Variants in SPAG16 observed in about 807,000 individuals in gnomAD.
The protein encoded by SPAG16 is sperm-associated antigen 16 protein.
In SPAG16, 86 loss-of-function variants were observed where a neutral mutation model predicts 80.4. The observed-to-expected ratio is 1.07, with a 90% confidence interval of 0.90 to 1.28. The LOEUF (loss-of-function observed/expected upper bound fraction) is 1.28. SPAG16 is among the 50% of genes most tolerant of loss of function. SPAG16 has a pLI of 0.00. For synonymous variants in SPAG16, 294 were observed against 265.9 expected (o/e 1.11, Z -1.03); for missense variants, 870 against 765.3 (o/e 1.14, Z -1.61).
chr2:213,661,514 A>T (rs2063425992), intron 10 of SPAG16, among the ~76,000 whole-genome samples: 1 of 152,196 alleles, frequency 6.6e-6, no homozygotes, highest in Non-Finnish European at 1.5e-5. Context: ...TTATACCTCG[A>T]TTATACTCAA....
intron 15 of SPAG16, among the ~76,000 whole-genome samples, chr2:214,292,330 T>C (rs543819851): frequency 1.3e-5 from 2 of 152,270 alleles, no homozygotes; most frequent in East Asian, 3.9e-4. Context: ...TTTTTTTAAA[T>C]AGGATCTTAA....
At chr2:213,573,854 A>T (rs1349338466) in intron 10 of SPAG16, among the ~76,000 whole-genome samples, 1 of 152,228 alleles carries the variant, frequency 6.6e-6, no homozygotes, top group Non-Finnish European at 1.5e-5. Context: ...TTTATGAAAT[A>T]CATAAAGCTC....
chr2:213,944,588 A>T (rs780875160), intron 12 of SPAG16, among the ~76,000 whole-genome samples: 4 of 152,162 alleles, frequency 2.6e-5, no homozygotes, highest in Non-Finnish European at 5.9e-5. Context: ...AAGGCTTTGA[A>T]CTTTAGATTT....
intron 11 of SPAG16, among the ~76,000 whole-genome samples, chr2:213,912,897 C>G (rs2077741756): frequency 6.6e-6 from 1 of 152,072 alleles, no homozygotes; most frequent in Non-Finnish European, 1.5e-5. Flanking sequence ...TCACAATAGA[C>G]TTCAAATTTC....
chr2:213,933,133 G>A (rs1174583093), intron 12 of SPAG16, among the ~76,000 whole-genome samples: 1 of 152,036 alleles, frequency 6.6e-6, no homozygotes. Context: ...TAATTATGCT[G>A]TCTTATCCTA....
rs550780152 is a variant in SPAG16 at position 214,243,600 on chromosome 2, A to G, written c.1720+94334A>G. On this transcript the variant is annotated intron_variant, in intron 15 of 15. Transcript: ENST00000331683. ...AAGAATTAATTTCTGACTATACATTATATACTACTAGTGTCTAGTTTAAGA... is the reference window on the plus strand; with the variant it reads ...AAGAATTAATTTCTGACTATACATTGTATACTACTAGTGTCTAGTTTAAGA... Among the ~76,000 whole-genome samples the G allele has an allele frequency of 1.4e-4, 21 of 152,244 alleles. No individual in the cohort carries two copies. In the East Asian group the frequency reaches 4.0e-3, roughly 29 times the overall value.
intron 13 of SPAG16, among the ~76,000 whole-genome samples, chr2:214,054,341 T>C (rs965482645): frequency 6.6e-6 from 1 of 152,336 alleles, no homozygotes; most frequent in Admixed American, 6.5e-5. Flanking sequence ...TCTAAAACCC[T>C]ATATCTCCTT....
intron 10 of SPAG16, among the ~76,000 whole-genome samples, chr2:213,721,993 A>G (rs1270679876): frequency 6.6e-6 from 1 of 152,256 alleles, no homozygotes; most frequent in Non-Finnish European, 1.5e-5. Flanking sequence ...ATAACGGGTA[A>G]GATTTTCTTT....
chr2:213,860,447 ATG>A (rs1575383650), intron 10 of SPAG16, among the ~76,000 whole-genome samples: 1 of 127,066 alleles, frequency 7.9e-6, no homozygotes, highest in Admixed American at 8.4e-5. Flanking sequence ...TTATAGATAT[ATG>A]TATATATATA....
intron 14 of SPAG16, among the ~76,000 whole-genome samples, chr2:214,142,231 T>G (rs1043255395): frequency 6.6e-6 from 1 of 152,228 alleles, no homozygotes; most frequent in African/African-American, 2.4e-5. Context: ...CTTGGATTTC[T>G]CAAGTCATTT....
intron 10 of SPAG16, among the ~76,000 whole-genome samples, chr2:213,594,592 T>C (rs1486282204): frequency 6.6e-6 from 1 of 152,192 alleles, no homozygotes; most frequent in Non-Finnish European, 1.5e-5. Flanking sequence ...CATTGCCCCC[T>C]GAAAATTTCC....
intron 11 of SPAG16, among the ~76,000 whole-genome samples, chr2:213,893,430 C>T (rs929383201): frequency 1.3e-5 from 2 of 152,114 alleles, no homozygotes; most frequent in Admixed American, 6.6e-5. Flanking sequence ...ACTGTAATGC[C>T]GTAATTGTGG....
chr2:214,073,340 C>T (rs1275655425), intron 13 of SPAG16, among the ~76,000 whole-genome samples: 2 of 151,542 alleles, frequency 1.3e-5, no homozygotes, highest in East Asian at 2.0e-4. Context: ...CTGGTTCAAG[C>T]GACTCTCCTG....
At chr2:213,778,715 A>G (rs1427159332) in intron 10 of SPAG16, among the ~76,000 whole-genome samples, 3 of 152,026 alleles carry the variant, frequency 2.0e-5, no homozygotes, top group Admixed American at 6.6e-5. Context: ...CATCACTTCA[A>G]CCAACCTCTG....
intron 14 of SPAG16, among the ~76,000 whole-genome samples, chr2:214,146,774 G>A (rs1185402223): frequency 2.0e-5 from 3 of 152,096 alleles, no homozygotes; most frequent in African/African-American, 7.2e-5. Flanking sequence ...GCCAAGGTGG[G>A]CAGATCATGA....
intron 11 of SPAG16, among the ~76,000 whole-genome samples, chr2:213,901,760 C>A (rs1279645481): frequency 6.6e-6 from 1 of 152,040 alleles, no homozygotes; most frequent in Non-Finnish European, 1.5e-5. Context: ...ACCCAAGCAG[C>A]AGACAAGAAG....
intron 5 of SPAG16, chr2:213,317,896 A>T (rs1243800996): frequency 5.4e-6 from 1 of 185,186 alleles, no homozygotes; most frequent in Non-Finnish European, 1.0e-5. Flanking sequence ...TAGGAGGTGT[A>T]TGGGACATCT....
chr2:214,297,477 C>T (rs1221621303), intron 15 of SPAG16, among the ~76,000 whole-genome samples: 2 of 151,868 alleles, frequency 1.3e-5, no homozygotes, highest in Non-Finnish European at 2.9e-5. Flanking sequence ...CTTTAATCTA[C>T]CTCGAGTTAA....
chr2:214,021,866 G>A (rs964767798), intron 13 of SPAG16, among the ~76,000 whole-genome samples: 30 of 151,934 alleles, frequency 2.0e-4, no homozygotes, highest in Admixed American at 1.6e-3. Flanking sequence ...TGTCCTAACC[G>A]TGTGAAGTTA....
Sources: allele counts gnomAD v4.1 joint callset (sites outside exome capture counted in the v4.1 genomes callset), GRCh38; gene constraint gnomAD v4.1.1; transcripts MANE v1.5; gene names NCBI Gene and HGNC (gene_info 2026-07-23, HGNC 2026-07-21).